The following DMD variants were observed in gnomAD, a reference collection of about 807,000 sequenced individuals.
The protein encoded by DMD is dystrophin.
DMD carries 63 observed loss-of-function variants against 330.1 expected under a neutral mutation model. That is an observed-to-expected ratio of 0.19 (90% CI 0.16 to 0.24). The LOEUF is 0.24. DMD is among the 10% of genes least tolerant of loss of function. DMD has a pLI of 1.00. For missense variants in DMD, 3,344 were observed against 2,684.1 expected, an observed-to-expected ratio of 1.25 and a Z score of -5.43; for synonymous variants, 1,223 against 959.8, an observed-to-expected ratio of 1.27 and a Z score of -5.07.
intron 30 of DMD, among the ~76,000 whole-genome samples, chrX:32,398,101 A>G (rs929634372): frequency 9.9e-5 from 11 of 110,675 alleles, no homozygotes; most frequent in Non-Finnish European, 1.9e-4. Flanking sequence ...AAATATATCA[A>G]AAGATTTGGG....
intron 50 of DMD, among the ~76,000 whole-genome samples, chrX:31,782,916 T>C (rs1185573816): frequency 9.0e-6 from 1 of 111,682 alleles, no homozygotes; most frequent in Non-Finnish European, 1.9e-5. Context: ...GTAACACTTT[T>C]AGCAGAAACT....
chrX:31,630,705 A>G (rs765977350), intron 54 of DMD, among the ~76,000 whole-genome samples: 4 of 111,282 alleles, frequency 3.6e-5, no homozygotes, highest in Non-Finnish European at 5.7e-5. Flanking sequence ...ATATGTTCAG[A>G]AAAAAAACCA....
intron 7 of DMD, among the ~76,000 whole-genome samples, chrX:32,715,468 T>TAA (rs2065609748): frequency 1.8e-4 from 3 of 17,013 alleles, no homozygotes; most frequent in African/African-American, 9.9e-4. Context: ...AGAGATTCCA[T>TAA]CAAAAAAAAA....
intron 55 of DMD, among the ~76,000 whole-genome samples, chrX:31,557,600 GT>G (rs778407140): frequency 1.8e-5 from 2 of 112,203 alleles, no homozygotes; most frequent in Middle Eastern, 4.6e-3. Context: ...TTAGTACATT[GT>G]TTAACACTTA....
At chrX:31,602,652 C>T (rs1416234594) in intron 55 of DMD, among the ~76,000 whole-genome samples, 2 of 111,422 alleles carry the variant, frequency 1.8e-5, no homozygotes, top group Non-Finnish European at 3.8e-5. Context: ...GTTTTGGCTA[C>T]TGCTATAATA....
chrX:33,157,074 C>T (rs766907543), intron 1 of DMD, among the ~76,000 whole-genome samples: 1 of 111,686 alleles, frequency 9.0e-6, no homozygotes, highest in South Asian at 3.8e-4. Context: ...TAGTTTCCTG[C>T]GGCTGCTGTT....
Position 32,990,434 on chromosome X carries a change from A to G in DMD, c.93+29705T>C, listed in dbSNP as rs148385951. On this transcript the variant is annotated intron_variant, in intron 2 of 78. Transcript: ENST00000357033. ...AAATCATATTCTAGATTAATCCAGG[A>G]TTCATTCAATTATTTCTACCAAATC... 3.6e-3 allele frequency among the ~76,000 whole-genome samples: 403 copies of G among 111,676 alleles called. 1 individual carries two copies. Among genetic ancestry groups the G allele is most frequent in the African/African-American group, 0.013 (386 of 30,741 alleles).
chrX:32,309,704 A>G (rs2097554411), intron 42 of DMD, among the ~76,000 whole-genome samples: 1 of 111,570 alleles, frequency 9.0e-6, no homozygotes, highest in South Asian at 3.7e-4. Flanking sequence ...TATACATTAC[A>G]TATAAATGAA....
intron 7 of DMD, among the ~76,000 whole-genome samples, chrX:32,791,148 G>A (rs2148630181): frequency 9.0e-6 from 1 of 111,636 alleles, no homozygotes; most frequent in Admixed American, 9.5e-5. Context: ...TGCAGGCCTA[G>A]GAACTGGCTT....
intron 52 of DMD, among the ~76,000 whole-genome samples, chrX:31,721,718 C>CTCTA (rs1227959078): frequency 0.015 from 824 of 56,299 alleles, 10 homozygotes; most frequent in Middle Eastern, 0.022. Context: ...CTCTCTCTCT[C>CTCTA]TATATATATA....
chrX:31,373,831 A>C (rs2059733956), intron 60 of DMD, among the ~76,000 whole-genome samples: 1 of 109,038 alleles, frequency 9.2e-6, no homozygotes. Flanking sequence ...GGATCTAATT[A>C]AACTAAAGAG....
At chrX:33,304,551 C>A (rs1569559728) in intron 1 of DMD, among the ~76,000 whole-genome samples, 1 of 110,418 alleles carries the variant, frequency 9.1e-6, no homozygotes, top group Non-Finnish European at 1.9e-5. Context: ...GCAACAAAAG[C>A]CAAAATTGAC....
chrX:32,920,063 T>C (rs1254954169), intron 2 of DMD, among the ~76,000 whole-genome samples: 1 of 111,624 alleles, frequency 9.0e-6, no homozygotes, highest in Non-Finnish European at 1.9e-5. Context: ...TTAATTTAAT[T>C]TGATACATCA....
At chrX:32,034,251 T>C (rs2095920588) in intron 44 of DMD, among the ~76,000 whole-genome samples, 1 of 112,016 alleles carries the variant, frequency 8.9e-6, no homozygotes, top group South Asian at 3.7e-4. Context: ...AACAATTAAA[T>C]TGATAGTTCA....
chrX:32,487,022 C>T (rs1409596678), intron 20 of DMD, among the ~76,000 whole-genome samples: 1 of 111,010 alleles, frequency 9.0e-6, no homozygotes, highest in Non-Finnish European at 1.9e-5. Context: ...AACTAAAGAG[C>T]TTCTGCACAG....
chrX:33,029,867 C>G (rs1221877826), intron 1 of DMD, among the ~76,000 whole-genome samples: 1 of 111,815 alleles, frequency 8.9e-6, no homozygotes, highest in Non-Finnish European at 1.9e-5. Flanking sequence ...GTTGGAAAAA[C>G]AGTGCCATCT....
intron 13 of DMD, among the ~76,000 whole-genome samples, chrX:32,578,106 G>A (rs1298736976): frequency 9.0e-6 from 1 of 111,507 alleles, no homozygotes; most frequent in African/African-American, 3.3e-5. Context: ...TAACAAAATT[G>A]TTAGACAAGT....
chrX:31,941,497 C>T (rs960674061), intron 45 of DMD, among the ~76,000 whole-genome samples: 1 of 111,481 alleles, frequency 9.0e-6, no homozygotes, highest in Non-Finnish European at 1.9e-5. Context: ...CTTGAATCTG[C>T]CCACTTCTCT....
At chrX:32,832,377 C>A (rs1381311911) in intron 4 of DMD, among the ~76,000 whole-genome samples, 1 of 111,578 alleles carries the variant, frequency 9.0e-6, no homozygotes, top group Non-Finnish European at 1.9e-5. Context: ...AAATATCCTT[C>A]CTGACACTGA....
Sources: gnomAD v4.1 joint callset for allele counts (sites outside exome capture counted in the v4.1 genomes callset) on GRCh38, gnomAD v4.1.1 for gene constraint, MANE v1.5 for transcripts, NCBI Gene and HGNC (gene_info 2026-07-23, HGNC 2026-07-21) for gene names.